Variants in MAN1C1 observed in about 807,000 individuals in gnomAD.
The protein encoded by MAN1C1 is mannosyl-oligosaccharide 1,2-alpha-mannosidase IC.
MAN1C1 carries 49 observed loss-of-function variants against 71.5 expected under a neutral mutation model. The ratio of observed to expected loss-of-function variants is 0.69; its 90% CI spans 0.54 to 0.87. MAN1C1 has a LOEUF of 0.87. MAN1C1 is among the 40% of genes least tolerant of loss of function. The pLI is 0.00. For missense variants in MAN1C1, 743 were observed against 835.0 expected (o/e 0.89, Z 1.36); for synonymous variants, 352 against 343.7 (o/e 1.02, Z -0.27).
At position 25,631,790 on chromosome 1, in the gene MAN1C1, C is replaced by T. The variant is rs189941206; in HGVS notation, c.540+13453C>T. On this transcript the variant is annotated intron_variant, in intron 1 of 11. Transcript: ENST00000374332. This position sits in a 1 kb window ranked among gnomAD's most constrained non-coding sequence, Gnocchi z 4.2. ...ATGATTTAGGGAGGATTTCCTCTTT[C>T]TTAATCTTTTGGAATAGTTTCAGTA... Among the ~76,000 whole-genome samples, 1 of 152,212 alleles carries T rather than the reference C, an allele frequency of 6.6e-6. No individual in the cohort carries two copies. The highest frequency in any genetic ancestry group is 1.9e-4 in the East Asian group (1 of 5,186).
At chr1:25,689,433 G>A (rs1252245029) in intron 2 of MAN1C1, among the ~76,000 whole-genome samples, 1 of 152,142 alleles carries the variant, frequency 6.6e-6, no homozygotes. Flanking sequence ...TCAAATCCTG[G>A]CCTAGGGACT....
rs1347019647 is a variant in MAN1C1 at position 25,764,630 on chromosome 1, C to G, written c.1141+663C>G. On this transcript the variant is annotated intron_variant, in intron 7 of 11. Coordinates refer to ENST00000374332, the MANE Select transcript of MAN1C1 (RefSeq NM_020379.4). The surrounding 1 kb of genome is among the most constrained non-coding windows in gnomAD (Gnocchi z 4.4). ...GGGTTTAGTAGAGATGTTGGCCAAGCTGGTCTCGAACTCCTGACCTCAAAT... is the reference window on the plus strand; with the variant it reads ...GGGTTTAGTAGAGATGTTGGCCAAGGTGGTCTCGAACTCCTGACCTCAAAT... Among the ~76,000 whole-genome samples, 8 of 151,966 alleles carry G rather than the reference C, an allele frequency of 5.3e-5. No homozygotes were observed. Among genetic ancestry groups the G allele is most frequent in the African/African-American group, 1.9e-4 (8 of 41,392 alleles).
chr1:25,783,007 A>AG (rs1304610772), intron 11 of MAN1C1, among the ~76,000 whole-genome samples: 1 of 152,130 alleles, frequency 6.6e-6, no homozygotes, highest in East Asian at 1.9e-4. Flanking sequence ...CGTGTGTAAA[A>AG]TGGGATAGGG....
chr1:25,639,848 A>T (rs1399202620), intron 1 of MAN1C1, among the ~76,000 whole-genome samples: 1 of 152,196 alleles, frequency 6.6e-6, no homozygotes, highest in Non-Finnish European at 1.5e-5. Context: ...TTTCTGGCTG[A>T]TGTCATCTCA....
chr1:25,683,256 A>T (rs1283679916), intron 1 of MAN1C1, among the ~76,000 whole-genome samples: 1 of 152,132 alleles, frequency 6.6e-6, no homozygotes, highest in African/African-American at 2.4e-5. Flanking sequence ...ACTCTTGTTC[A>T]TCTGTCCACG....
At chr1:25,640,053 A>G (rs2982306) in intron 1 of MAN1C1, among the ~76,000 whole-genome samples, 36,053 of 152,166 alleles carry the variant, frequency 0.24, 4,328 homozygotes, top group East Asian at 0.37. Context: ...TCACATTAAA[A>G]CAGTTTTTAA....
chr1:25,781,905 A>T (rs1473006143), intron 10 of MAN1C1, among the ~76,000 whole-genome samples: 1 of 152,252 alleles, frequency 6.6e-6, no homozygotes, highest in African/African-American at 2.4e-5. Flanking sequence ...AACACGGCAA[A>T]ACCCCATCTA....
At chr1:25,737,722 G>A (rs929419146) in intron 2 of MAN1C1, among the ~76,000 whole-genome samples, 3 of 152,050 alleles carry the variant, frequency 2.0e-5, no homozygotes, top group Non-Finnish European at 2.9e-5. Flanking sequence ...GGCATCAATG[G>A]GCATGGTCAG....
chr1:25,737,760 G>C (rs145027968), intron 2 of MAN1C1, among the ~76,000 whole-genome samples: 2 of 152,220 alleles, frequency 1.3e-5, no homozygotes, highest in East Asian at 3.9e-4. Context: ...GGAACGTCTT[G>C]GGAAAAGGCT....
intron 7 of MAN1C1, among the ~76,000 whole-genome samples, chr1:25,765,107 C>T (rs774932825): frequency 1.3e-5 from 2 of 152,180 alleles, no homozygotes; most frequent in Non-Finnish European, 2.9e-5. Flanking sequence ...AAGAATCAGT[C>T]CCAGAGTTTT....
intron 8 of MAN1C1, chr1:25,772,030 C>T (rs2047559803): frequency 2.3e-6 from 1 of 444,082 alleles, no homozygotes; most frequent in East Asian, 4.2e-5. Flanking sequence ...GTCATTTATC[C>T]AAGGTCTCAC....
chr1:25,710,404 GCTGA>G (rs1234671701), intron 2 of MAN1C1, among the ~76,000 whole-genome samples: 1 of 152,224 alleles, frequency 6.6e-6, no homozygotes, highest in Non-Finnish European at 1.5e-5. Flanking sequence ...TTGCCTGCTG[GCTGA>G]CAAATGGTAA....
At chr1:25,700,708 A>G (rs1262316687) in intron 2 of MAN1C1, among the ~76,000 whole-genome samples, 3 of 152,264 alleles carry the variant, frequency 2.0e-5, no homozygotes, top group Non-Finnish European at 4.4e-5. Flanking sequence ...CCAGGGAATC[A>G]CACAGATACT....
At chr1:25,683,782 T>C (rs2046189353) in intron 1 of MAN1C1, among the ~76,000 whole-genome samples, 2 of 152,238 alleles carry the variant, frequency 1.3e-5, no homozygotes, top group Admixed American at 1.3e-4. Flanking sequence ...GATAGGAGGC[T>C]GTCCCCTTCA....
At chr1:25,771,380 C>A (rs2047548695) in intron 7 of MAN1C1, among the ~76,000 whole-genome samples, 1 of 151,934 alleles carries the variant, frequency 6.6e-6, no homozygotes, top group Non-Finnish European at 1.5e-5. Flanking sequence ...CCCTGCCGTC[C>A]CCAGCCTGCT....
chr1:25,644,957 C>G (rs181588519), intron 1 of MAN1C1: 1 of 152,310 alleles, frequency 6.6e-6, no homozygotes, highest in Admixed American at 6.5e-5. Context: ...TAAAGAACAA[C>G]CAGAGGTTGG....
At chr1:25,701,352 G>A (rs1194248036) in intron 2 of MAN1C1, among the ~76,000 whole-genome samples, 5 of 152,246 alleles carry the variant, frequency 3.3e-5, no homozygotes, top group African/African-American at 1.2e-4. Context: ...GTGCCCACCG[G>A]CTAGTGCAGA....
rs1376327097 is a variant in MAN1C1 at position 25,769,289 on chromosome 1, A to T, written c.1142-2368A>T. On this transcript the variant is annotated intron_variant, in intron 7 of 11. Coordinates refer to ENST00000374332, the MANE Select transcript of MAN1C1 (RefSeq NM_020379.4). This position sits in a 1 kb window ranked among gnomAD's most constrained non-coding sequence, Gnocchi z 4.8. ...ACTCTCCCTACACACACATCCACAC[A>T]CCCATACCCCTCAGCACACACACAC... 6.7e-6 allele frequency among the ~76,000 whole-genome samples: 1 copy of T among 150,090 alleles called. No homozygotes were observed. Among genetic ancestry groups the T allele is most frequent in the Non-Finnish European group, 1.5e-5 (1 of 67,520 alleles).
At chr1:25,660,396 C>CCTTTTT (rs1389255801) in intron 1 of MAN1C1, among the ~76,000 whole-genome samples, 61 of 97,632 alleles carry the variant, frequency 6.2e-4, no homozygotes, top group African/African-American at 2.9e-3. Context: ...AGTGAAATTC[C>CCTTTTT]TTTTTTTTTT....
Sources: allele counts gnomAD v4.1 joint callset (sites outside exome capture counted in the v4.1 genomes callset), GRCh38; gene constraint gnomAD v4.1.1; non-coding constraint Gnocchi (gnomAD v3.1); transcripts MANE v1.5; gene names NCBI Gene and HGNC (gene_info 2026-07-23, HGNC 2026-07-21).